The following SLC14A2 variants were observed in gnomAD, a reference collection of about 807,000 sequenced individuals.
SLC14A2 encodes urea transporter 2.
A neutral mutation model predicts 104.6 loss-of-function variants in SLC14A2; 91 were observed. The observed-to-expected ratio is 0.87, with a 90% CI of 0.73 to 1.04. The LOEUF (loss-of-function observed/expected upper bound fraction) is 1.04, where lower values mean the gene tolerates loss of function less well. SLC14A2 is among the 50% of genes least tolerant of loss of function. The pLI, the probability that SLC14A2 is intolerant of heterozygous loss-of-function variation, is 0.00. For synonymous variants in SLC14A2, 476 were observed against 466.4 expected, an observed-to-expected ratio of 1.02 and a Z score of -0.27; for missense variants, 1,189 against 1,156.0, an observed-to-expected ratio of 1.03 and a Z score of -0.41.
chr18:45,342,481 C>A (rs749447099), intron 1 of SLC14A2, among the ~76,000 whole-genome samples: 4 of 152,154 alleles, frequency 2.6e-5, no homozygotes, highest in Non-Finnish European at 5.9e-5. Context: ...GAACACGGGC[C>A]AGTCCATGCT....
chr18:45,501,952 T>C (rs546943849), intron 2 of SLC14A2, among the ~76,000 whole-genome samples: 47 of 152,324 alleles, frequency 3.1e-4, no homozygotes, highest in African/African-American at 1.1e-3. Context: ...TTATGGCTCT[T>C]GAGAAAAGTA....
At chr18:45,193,171 C>T in the SLC14A2 span, among the ~76,000 whole-genome samples, 1 of 152,134 alleles carries the variant, frequency 6.6e-6, no homozygotes, top group Admixed American at 6.5e-5. Context: ...AATATTTTCT[C>T]CCAATCTGTA....
chr18:45,242,801 G>C (rs1037818931), intron 1 of SLC14A2, among the ~76,000 whole-genome samples: 1 of 152,200 alleles, frequency 6.6e-6, no homozygotes, highest in Admixed American at 6.5e-5. Context: ...GTTGCAACAA[G>C]TCACCTGTAT....
At chr18:45,563,263 C>T (rs2044225908) in intron 2 of SLC14A2, among the ~76,000 whole-genome samples, 1 of 152,198 alleles carries the variant, frequency 6.6e-6, no homozygotes, top group African/African-American at 2.4e-5. Context: ...AGACCCCGCC[C>T]TCATGGCCAA....
At position 45,475,724 on chromosome 18, in the gene SLC14A2, C is replaced by T. The variant is rs1257980135; in HGVS notation, c.-124-7509C>T. 1.1e-4 allele frequency among the ~76,000 whole-genome samples: 14 copies of T among 126,892 alleles called. No homozygotes were observed. The East Asian group carries it at 3.3e-3, about 30-fold the overall frequency. The allele number at this position is 126,892 out of a possible 152,430, so 83.2% of individuals were successfully genotyped here. On this transcript the variant is annotated intron_variant, in intron 1 of 20. Transcript: ENST00000586448. The stretch of plus-strand genomic sequence containing the variant: ...TCTTCTTGTTGCATTGATCCCTTTA[C>T]CATTATGTAATGCCCTTCTTTGTCT...
rs528208160 is a variant in SLC14A2 at position 45,414,080 on chromosome 18, C to T, written c.-124-69153C>T. On this transcript the variant is annotated intron_variant, in intron 1 of 20. Transcript: ENST00000586448. ...AAATAGGGACATGAATCATTCCTTG[C>T]TGTGGAGTATTGTGAGAATAAGGAC... Among the ~76,000 whole-genome samples, 3 of 152,306 alleles carry T rather than the reference C, an allele frequency of 2.0e-5. No individual in the cohort carries two copies. The East Asian group carries it at 5.8e-4, about 29-fold the overall frequency.
chr18:45,300,416 G>T, intron 1 of SLC14A2, among the ~76,000 whole-genome samples: 1 of 149,720 alleles, frequency 6.7e-6, no homozygotes. Flanking sequence ...TAACCAATAT[G>T]CTGTTCTGCT....
Position 45,246,665 on chromosome 18 carries a change from C to T in SLC14A2, c.-125+33474C>T, listed in dbSNP as rs541546836. ...TTGGCTCACTGCAACCTCCGCCTCC[C>T]GGGTTCAAACAATTCTCTTGCCTCA... On this transcript the variant is annotated intron_variant, in intron 1 of 20. Transcript: ENST00000586448. Among the ~76,000 whole-genome samples, 400 of 152,030 alleles carry T rather than the reference C, an allele frequency of 2.6e-3. 5 individuals are homozygous for T. Among genetic ancestry groups the T allele is most frequent in the African/African-American group, 9.1e-3 (378 of 41,482 alleles).
chr18:45,494,915 T>TACACACACACACACACACACACACAC (rs58079608), intron 2 of SLC14A2, among the ~76,000 whole-genome samples: 1 of 148,638 alleles, frequency 6.7e-6, no homozygotes, highest in African/African-American at 2.5e-5. Flanking sequence ...CACACACACA[T>TACACACACACACACACACACACACAC]ACACACACAC....
At chr18:45,329,143 T>TA (rs1455825091) in intron 1 of SLC14A2, among the ~76,000 whole-genome samples, 1 of 152,242 alleles carries the variant, frequency 6.6e-6, no homozygotes, top group Non-Finnish European at 1.5e-5. Flanking sequence ...TTTATTTTGT[T>TA]ACGGTTATGG....
intron 1 of SLC14A2, among the ~76,000 whole-genome samples, chr18:45,219,406 C>T (rs770051217): frequency 6.6e-6 from 1 of 152,110 alleles, no homozygotes; most frequent in Non-Finnish European, 1.5e-5. Context: ...TAAGTGAAGG[C>T]AGTTAAGTCC....
At chr18:45,639,312 G>T (rs1568308951) in intron 6 of SLC14A2, among the ~76,000 whole-genome samples, 1 of 152,190 alleles carries the variant, frequency 6.6e-6, no homozygotes, top group African/African-American at 2.4e-5. Flanking sequence ...CCAACAACAG[G>T]CTGGGTGACT....
intron 1 of SLC14A2, among the ~76,000 whole-genome samples, chr18:45,404,853 G>A (rs992494513): frequency 6.6e-6 from 1 of 152,142 alleles, no homozygotes; most frequent in African/African-American, 2.4e-5. Flanking sequence ...CTCAGCATTG[G>A]AACAAAATCT....
chr18:45,249,826 G>A (rs1386642842), intron 1 of SLC14A2, among the ~76,000 whole-genome samples: 1 of 152,156 alleles, frequency 6.6e-6, no homozygotes, highest in Non-Finnish European at 1.5e-5. Context: ...GTGTACACCT[G>A]TAGTCCTAGC....
intron 1 of SLC14A2, among the ~76,000 whole-genome samples, chr18:45,452,695 G>C (rs1234688529): frequency 6.6e-6 from 1 of 152,124 alleles, no homozygotes; most frequent in African/African-American, 2.4e-5. Context: ...GTGGCTCCTG[G>C]GACAGCCACT....
chr18:45,318,138 G>A (rs923837096), intron 1 of SLC14A2, among the ~76,000 whole-genome samples: 4 of 152,230 alleles, frequency 2.6e-5, no homozygotes, highest in Non-Finnish European at 5.9e-5. Context: ...GGAGGGTGAT[G>A]CTGGCAGGCT....
chr18:45,458,093 A>T (rs2086977226), intron 1 of SLC14A2, among the ~76,000 whole-genome samples: 2 of 152,172 alleles, frequency 1.3e-5, no homozygotes, highest in Admixed American at 1.3e-4. Context: ...TGGGCTGGGG[A>T]TTTCAGGCCT....
chr18:45,366,308 C>A (rs561732317), intron 1 of SLC14A2, among the ~76,000 whole-genome samples: 1 of 152,282 alleles, frequency 6.6e-6, no homozygotes, highest in African/African-American at 2.4e-5. Flanking sequence ...GGCCTCCTTC[C>A]ACAACTGCTC....
At chr18:45,336,792 G>A (rs1233563492) in intron 1 of SLC14A2, among the ~76,000 whole-genome samples, 1 of 152,156 alleles carries the variant, frequency 6.6e-6, no homozygotes, top group Non-Finnish European at 1.5e-5. Flanking sequence ...CTGGAATTCA[G>A]CATCCTTCAT....
Sources: allele counts gnomAD v4.1 joint callset (sites outside exome capture counted in the v4.1 genomes callset), GRCh38; gene constraint gnomAD v4.1.1; transcripts MANE v1.5; gene names NCBI Gene and HGNC (gene_info 2026-07-23, HGNC 2026-07-21).